Variants in DACH2 observed in about 807,000 individuals in gnomAD.
The protein encoded by DACH2 is dachshund homolog 2.
In DACH2, 17 loss-of-function variants were observed where a neutral mutation model predicts 35.8. The observed-to-expected ratio is 0.48, with a 90% CI of 0.33 to 0.71. The LOEUF (loss-of-function observed/expected upper bound fraction) is 0.71, where lower values mean the gene tolerates loss of function less well. Ranked by LOEUF, DACH2 falls within the 30% of genes least tolerant of loss-of-function variation. The pLI is 0.02. For missense variants in DACH2, 469 were observed against 472.7 expected (o/e 0.99, Z 0.07); for synonymous variants, 195 against 177.3 (o/e 1.10, Z -0.79).
intron 2 of DACH2, among the ~76,000 whole-genome samples, chrX:86,419,406 A>G (rs1380850183): frequency 8.9e-6 from 1 of 112,299 alleles, no homozygotes; most frequent in Non-Finnish European, 1.9e-5. Flanking sequence ...AAGGCAAGGC[A>G]CAACAAGTCA....
chrX:86,266,367 T>G (rs1297353686), intron 1 of DACH2, among the ~76,000 whole-genome samples: 2 of 111,822 alleles, frequency 1.8e-5, no homozygotes, highest in African/African-American at 6.5e-5. Flanking sequence ...ACAACCGTAG[T>G]CAACAAAATG....
At chrX:86,317,252 G>A (rs1254736746) in intron 1 of DACH2, among the ~76,000 whole-genome samples, 1 of 111,628 alleles carries the variant, frequency 9.0e-6, no homozygotes, top group East Asian at 2.8e-4. Context: ...GGTTTGTGTT[G>A]TTGTAAGTGG....
At chrX:86,240,913 C>A (rs1233101194) in intron 1 of DACH2, among the ~76,000 whole-genome samples, 1 of 111,555 alleles carries the variant, frequency 9.0e-6, no homozygotes, top group Non-Finnish European at 1.9e-5. Flanking sequence ...CTTTGCCTTC[C>A]ACCATGATTG....
chrX:86,422,576 A>G (rs191307562), intron 2 of DACH2, among the ~76,000 whole-genome samples: 1 of 110,564 alleles, frequency 9.0e-6, no homozygotes, highest in Non-Finnish European at 1.9e-5. Flanking sequence ...ATTTATTGGG[A>G]ACATGGAATG....
intron 1 of DACH2, among the ~76,000 whole-genome samples, chrX:86,158,959 G>T (rs1228043513): frequency 9.0e-6 from 1 of 111,327 alleles, no homozygotes; most frequent in Non-Finnish European, 1.9e-5. Context: ...ATAAAAAGGA[G>T]CATGAAATAA....
intron 2 of DACH2, among the ~76,000 whole-genome samples, chrX:86,460,321 C>T (rs1393099102): frequency 9.0e-6 from 1 of 110,677 alleles, no homozygotes; most frequent in Non-Finnish European, 1.9e-5. Context: ...TATGTGTAAA[C>T]AAATTATGCA....
intron 1 of DACH2, among the ~76,000 whole-genome samples, chrX:86,205,764 G>T (rs2032294362): frequency 9.4e-6 from 1 of 106,589 alleles, no homozygotes; most frequent in Non-Finnish European, 1.9e-5. Flanking sequence ...ATGAGGTTTT[G>T]CTGTGTTGCC....
intron 1 of DACH2, among the ~76,000 whole-genome samples, chrX:86,312,918 G>T (rs969880437): frequency 4.5e-5 from 5 of 111,663 alleles, no homozygotes; most frequent in Non-Finnish European, 5.6e-5. Flanking sequence ...CAGGAGAGGA[G>T]TGGGAATGGA....
chrX:86,815,107 A>G (rs1432140670), intron 10 of DACH2, among the ~76,000 whole-genome samples: 2 of 111,698 alleles, frequency 1.8e-5, no homozygotes, highest in Non-Finnish European at 3.8e-5. Context: ...TAGAAGCAAT[A>G]ACACTGATAA....
At chrX:86,252,386 C>T (rs1434954124) in intron 1 of DACH2, among the ~76,000 whole-genome samples, 1 of 111,122 alleles carries the variant, frequency 9.0e-6, no homozygotes, top group East Asian at 2.8e-4. Flanking sequence ...GTTGCATTTG[C>T]TTTTGAGTTC....
intron 1 of DACH2, among the ~76,000 whole-genome samples, chrX:86,232,037 G>C (rs2032959961): frequency 9.0e-6 from 1 of 111,633 alleles, no homozygotes; most frequent in Non-Finnish European, 1.9e-5. Flanking sequence ...TGTGTGTTTG[G>C]GAAAGGAGCA....
At chrX:86,698,835 C>T (rs1397170077) in intron 5 of DACH2, among the ~76,000 whole-genome samples, 1 of 110,251 alleles carries the variant, frequency 9.1e-6, no homozygotes. Flanking sequence ...CGTGCCCAGC[C>T]AATTTATAAA....
At chrX:86,221,380 G>T (rs190188073) in intron 1 of DACH2, among the ~76,000 whole-genome samples, 1 of 111,388 alleles carries the variant, frequency 9.0e-6, no homozygotes, top group Non-Finnish European at 1.9e-5. Context: ...ATATGCATGG[G>T]TTTAATTCTG....
In DACH2 at chrX:86,360,834, C is replaced by T. The variant is rs988831449; in HGVS notation, c.489-15990C>T. Among the ~76,000 whole-genome samples the T allele has an allele frequency of 2.7e-5, 3 of 110,546 alleles. No individual in the cohort carries two copies. In the Admixed American group the frequency reaches 2.9e-4, roughly 11 times the overall value. ...CCTAATAGCATTAAGGGAAATGAAACTTATATATTAAATAATATTTTAATG... is the reference window on the plus strand; with the variant it reads ...CCTAATAGCATTAAGGGAAATGAAATTTATATATTAAATAATATTTTAATG... On this transcript the variant is annotated intron_variant, in intron 1 of 11. Transcript: ENST00000373125.
intron 1 of DACH2, among the ~76,000 whole-genome samples, chrX:86,332,200 G>A (rs1173828274): frequency 9.0e-6 from 1 of 111,319 alleles, no homozygotes; most frequent in African/African-American, 3.3e-5. Context: ...ATGTCCCTTA[G>A]TGGTCGGAGC....
chrX:86,791,139 T>A (rs2042183580), intron 7 of DACH2, among the ~76,000 whole-genome samples: 1 of 111,260 alleles, frequency 9.0e-6, no homozygotes, highest in South Asian at 3.8e-4. Flanking sequence ...TTAGTCTTGT[T>A]GTCTCAGGGG....
At chrX:86,750,764 A>G (rs2041764612) in intron 7 of DACH2, among the ~76,000 whole-genome samples, 1 of 111,946 alleles carries the variant, frequency 8.9e-6, no homozygotes, top group Admixed American at 9.5e-5. Flanking sequence ...CACATATGGC[A>G]AGACTTCTGT....
At chrX:86,337,920 C>T (rs1473837820) in intron 1 of DACH2, among the ~76,000 whole-genome samples, 1 of 97,594 alleles carries the variant, frequency 1.0e-5, no homozygotes, top group African/African-American at 4.9e-5. Context: ...GACCTAGTCT[C>T]TGATAAAATA....
At chrX:86,730,540 C>A (rs1206688930) in intron 6 of DACH2, among the ~76,000 whole-genome samples, 2 of 111,801 alleles carry the variant, frequency 1.8e-5, no homozygotes. Flanking sequence ...TCAGATGAAA[C>A]CACTGGTATC....
Sources: gnomAD v4.1 joint callset for allele counts (sites outside exome capture counted in the v4.1 genomes callset) on GRCh38, gnomAD v4.1.1 for gene constraint, MANE v1.5 for transcripts, NCBI Gene and HGNC (gene_info 2026-07-23, HGNC 2026-07-21) for gene names.